Variants in ALDOC observed in about 807,000 individuals in gnomAD.
ALDOC encodes fructose-bisphosphate aldolase C.
A neutral mutation model predicts 39.5 loss-of-function variants in ALDOC; 23 were observed. That is an observed-to-expected ratio of 0.58 (90% CI 0.42 to 0.82). The LOEUF (loss-of-function observed/expected upper bound fraction) is 0.82, where lower values mean the gene tolerates loss of function less well. Ranked by LOEUF, ALDOC falls within the 40% of genes least tolerant of loss-of-function variation. The probability of loss-of-function intolerance (pLI) is 0.00; values close to 1 mark genes in which losing one functional copy is unlikely to be tolerated. For synonymous variants in ALDOC, 160 were observed against 182.6 expected (o/e 0.88, Z 1.00); for missense variants, 356 against 479.1 (o/e 0.74, Z 2.40).
chr17:28,574,173 G>C lies in ALDOC; in HGVS notation c.693C>G (p.Pro231=). 3 of 1,611,778 alleles carry C rather than the reference G, an allele frequency of 1.9e-6. No individual in the cohort carries two copies. The highest frequency in any genetic ancestry group is 2.5e-6 in the Non-Finnish European group (3 of 1,178,838). ...AGGCATGGCCCGGGGTCACCATGTT[G>C]GGCTTGAGCAGGGTCCCCTCCAGGT... The part of the protein sequence containing the change: ...HVYLEGTLLK[P]NMVTPGHACP... The change falls in exon 7 of 9, where the codon CCC becomes CCG. Residue 231 remains proline (P), a synonymous_variant. Coordinates refer to ENST00000226253, the MANE Select transcript of ALDOC (RefSeq NM_005165.3).
chr17:28,574,044 C>T (rs765425713), intron 7 of ALDOC, 23 bp downstream of exon 7: 1 of 1,595,634 alleles, frequency 6.3e-7, no homozygotes, highest in Non-Finnish European at 8.5e-7. Flanking sequence ...GGGATAGGAG[C>T]AGGTTAGGGA....
Position 28,575,487 on chromosome 17 carries a change from ACTC to A in ALDOC, c.43_45del (p.Glu15del), listed in dbSNP as rs2070477768. 6.2e-7 allele frequency: 1 copy of A among 1,614,142 alleles called. No homozygotes were observed. The highest frequency in any genetic ancestry group is 8.5e-7 in the Non-Finnish European group (1 of 1,180,014). Reference sequence around the variant, plus strand: ...ACAATCCGCAGGGCAATGTCAGACAACTCCTTCTTCTGCTCAGCAGAAAGGGCT... The same window carrying A: ...ACAATCCGCAGGGCAATGTCAGACAACTTCTTCTGCTCAGCAGAAAGGGCT... On this transcript the variant is annotated inframe_deletion, in exon 2 of 9. Transcript: ENST00000226253. The surrounding 1 kb of genome is among the most constrained non-coding windows in gnomAD (Gnocchi z 4.3).
At position 28,573,271 on chromosome 17, in the gene ALDOC, A is replaced by T; in HGVS notation, c.*255T>A. 1.8e-6 allele frequency: 1 copy of T among 553,584 alleles called. No individual in the cohort carries two copies. Among genetic ancestry groups the T allele is most frequent in the South Asian group, 2.1e-5 (1 of 47,874 alleles). 34.3% of individuals were successfully genotyped at this position (553,584 alleles called of 1,614,324 possible). On this transcript the variant is annotated 3_prime_UTR_variant, in exon 9 of 9. Transcript: ENST00000226253. The surrounding 1 kb of genome is among the most constrained non-coding windows in gnomAD (Gnocchi z 4.3). ...ATGGGAAAATTGTGGGAGCTGGAAGAGGTAGGGGGAGACCCAGCCATCCTG... is the reference window on the plus strand; with the variant it reads ...ATGGGAAAATTGTGGGAGCTGGAAGTGGTAGGGGGAGACCCAGCCATCCTG...
At position 28,573,900 on chromosome 17, in the gene ALDOC, T is replaced by G. The variant is rs1437476578; in HGVS notation, c.834A>C (p.Glu278Asp). 1 of 1,614,212 alleles carries G rather than the reference T, an allele frequency of 6.2e-7. No individual in the cohort carries two copies. Residue 278 changes from glutamate to aspartate, a missense_variant, in exon 8 of 9, where the codon GAA becomes GAC. Glu to Asp is a conservative substitution (Grantham distance 45). Transcript: ENST00000226253. The surrounding 1 kb of genome is among the most constrained non-coding windows in gnomAD (Gnocchi z 4.3). ...TGGCATTGAGGTTGAATGATGCCTC[T>G]TCTTCGCTCTGACCCCCAGACAGGA... The part of the protein sequence containing the change: ...VTFLSGGQSE[E>D]EASFNLNAIN...
In ALDOC at chr17:28,573,264, C is replaced by G. The variant is rs1039511474; in HGVS notation, c.*262G>C. The G allele has an allele frequency of 5.5e-6, 3 of 547,848 alleles. No homozygotes were observed. In the African/African-American group the frequency reaches 5.7e-5, roughly 10 times the overall value. 33.9% of individuals were successfully genotyped at this position (547,848 alleles called of 1,614,324 possible). On this transcript the variant is annotated 3_prime_UTR_variant, in exon 9 of 9. Coordinates refer to ENST00000226253, the MANE Select transcript of ALDOC (RefSeq NM_005165.3). The surrounding 1 kb of genome is among the most constrained non-coding windows in gnomAD (Gnocchi z 4.3). ...CCTCATCATGGGAAAATTGTGGGAG[C>G]TGGAAGAGGTAGGGGGAGACCCAGC...
At chr17:28,576,427 C>A in intron 1 of ALDOC, 1 of 153,148 alleles carries the variant, frequency 6.5e-6, no homozygotes, top group Non-Finnish European at 1.5e-5. Flanking sequence ...TGCAGGCTAA[C>A]CAGTCAGCGG....
At position 28,575,485 on chromosome 17, in the gene ALDOC, C is replaced by T. The variant is rs1323540806; in HGVS notation, c.48G>A (p.Leu16=). The stretch of plus-strand genomic sequence containing the variant: ...CTACAATCCGCAGGGCAATGTCAGA[C>T]AACTCCTTCTTCTGCTCAGCAGAAA... ...PALSAEQKKE[L]SDIALRIVAP... The change falls in exon 2 of 9, where the codon TTG becomes TTA. Residue 16 remains leucine, a synonymous_variant. Transcript: ENST00000226253. The surrounding 1 kb of genome is among the most constrained non-coding windows in gnomAD (Gnocchi z 4.3). The T allele has an allele frequency of 6.2e-7, 1 of 1,614,110 alleles. No homozygotes were observed. The highest frequency in any genetic ancestry group is 8.5e-7 in the Non-Finnish European group (1 of 1,180,056).
intron 7 of ALDOC, 33 bp downstream of exon 7, chr17:28,574,034 G>A (rs773023993): frequency 6.3e-7 from 1 of 1,599,134 alleles, no homozygotes; most frequent in East Asian, 2.2e-5. Context: ...ATGGGCCTTA[G>A]GGATAGGAGC....
chr17:28,574,242 C>G lies in ALDOC; in HGVS notation c.625-1G>C. 1 of 1,582,920 alleles carries G rather than the reference C, an allele frequency of 6.3e-7. No homozygotes were observed. The highest frequency in any genetic ancestry group is 8.6e-7 in the Non-Finnish European group (1 of 1,165,610). On this transcript the variant is annotated splice_acceptor_variant, in intron 6 of 8. Coordinates refer to ENST00000226253, the MANE Select transcript of ALDOC (RefSeq NM_005165.3). LOFTEE classifies it high-confidence loss of function. ...GGGCCTTGTACACAGCAGCCAAGAC[C>G]TGGGTGGGGATTAGAGGAGGTTTAC... is the stretch of plus-strand genomic sequence containing the variant.
At position 28,576,887 on chromosome 17, in the gene ALDOC, C is replaced by T; in HGVS notation, c.-99G>A. The T allele has an allele frequency of 2.0e-6, 2 of 985,544 alleles. No homozygotes were observed. The highest frequency in any genetic ancestry group is 2.4e-6 in the Non-Finnish European group (2 of 830,024). 61.0% of individuals were successfully genotyped at this position (985,544 alleles called of 1,614,324 possible). A position where few individuals can be genotyped will look rare whatever the true frequency, so the allele number is the denominator to read the frequency against. The stretch of plus-strand genomic sequence containing the variant: ...GATGAGGCTGCAGCCCTGGCTCCCT[C>T]TGGTAAATGAGGCTGCGGATGTCGC... On this transcript the variant is annotated 5_prime_UTR_variant, in exon 1 of 9. Coordinates refer to ENST00000226253, the MANE Select transcript of ALDOC (RefSeq NM_005165.3).
Position 28,575,732 on chromosome 17 carries a change from T to A in ALDOC, c.-12-188A>T. On this transcript the variant is annotated intron_variant, in intron 1 of 8. Transcript: ENST00000226253. The surrounding 1 kb of genome is among the most constrained non-coding windows in gnomAD (Gnocchi z 4.3). ...CAAGCTTAGGGCTCCAGTTCCCACATCTCCTTTTGTCCCTGGTAGGCATCC... is the reference window on the plus strand; with the variant it reads ...CAAGCTTAGGGCTCCAGTTCCCACAACTCCTTTTGTCCCTGGTAGGCATCC... The A allele has an allele frequency of 1.3e-6, 1 of 758,118 alleles. No homozygotes were observed. Among genetic ancestry groups the A allele is most frequent in the Non-Finnish European group, 2.0e-6 (1 of 490,210 alleles). 47.0% of individuals were successfully genotyped at this position (758,118 alleles called of 1,614,324 possible). A position where few individuals can be genotyped will look rare whatever the true frequency, so the allele number is the denominator to read the frequency against.
intron 4 of ALDOC, 32 bp from the exon 5 acceptor site, chr17:28,574,888 C>A (rs1273365634): frequency 6.2e-7 from 1 of 1,614,180 alleles, no homozygotes. Context: ...CATTACTCTG[C>A]CCCTCTTTTA....
At position 28,575,754 on chromosome 17, in the gene ALDOC, A is replaced by C. The variant is rs1162484917; in HGVS notation, c.-12-210T>G. 4.3e-6 allele frequency: 3 copies of C among 703,878 alleles called. No homozygotes were observed. The highest frequency in any genetic ancestry group is 6.7e-6 in the Non-Finnish European group (3 of 447,364). The allele number at this position is 703,878 out of a possible 1,614,324, so 43.6% of individuals were successfully genotyped here. ...ACATCTCCTTTTGTCCCTGGTAGGC[A>C]TCCTTCCCAGCCCTGGGGAAAGATG... On this transcript the variant is annotated intron_variant, in intron 1 of 8. Coordinates refer to ENST00000226253, the MANE Select transcript of ALDOC (RefSeq NM_005165.3). The surrounding 1 kb of genome is among the most constrained non-coding windows in gnomAD (Gnocchi z 4.3).
Position 28,574,856 on chromosome 17 carries a change from C to T in ALDOC, c.380G>A (p.Gly127Glu). Residue 127 changes from glycine (G) to glutamate (E), a missense_variant and splice_region_variant, in exon 5 of 9, where the codon GGG (glycine) becomes GAG (glutamate). Coordinates refer to ENST00000226253, the MANE Select transcript of ALDOC (RefSeq NM_005165.3). ...ACAGCGTTCTGAGAGCCCATCCAGC[C>T]CTGCAAGCACAGTGCCAACCTCATT... is the stretch of plus-strand genomic sequence containing the variant. Reference protein sequence around the residue: ...AGTDGETTTQGLDGLSERCAQ... With the variant: ...AGTDGETTTQELDGLSERCAQ... The T allele has an allele frequency of 6.2e-7, 1 of 1,614,208 alleles. No homozygotes were observed. The highest frequency in any genetic ancestry group is 1.7e-5 in the Admixed American group (1 of 60,028).
In ALDOC at chr17:28,573,808, G is replaced by A; in HGVS notation, c.926C>T (p.Ser309Phe). ...TFSYGRALQA[S>F]ALNAWRGQRD... ...TTGCCCTCGCCAGGCATTGAGTGCA[G>A]AGGCTTGCAGGGCACGCCCATAGGA... Residue 309 changes from serine to phenylalanine, a missense_variant, in exon 8 of 9, where the codon TCT (serine) becomes TTT (phenylalanine). By Grantham distance (155) the Ser-to-Phe change is radical. Transcript: ENST00000226253. This position sits in a 1 kb window ranked among gnomAD's most constrained non-coding sequence, Gnocchi z 4.3. The A allele has an allele frequency of 6.2e-7, 1 of 1,614,256 alleles. No homozygotes were observed. Among genetic ancestry groups the A allele is most frequent in the Non-Finnish European group, 8.5e-7 (1 of 1,180,040 alleles).
chr17:28,574,585 C>G lies in ALDOC; in HGVS notation c.541-8G>C. On this transcript the variant is annotated splice_region_variant and splice_polypyrimidine_tract_variant and intron_variant, in intron 5 of 8. Transcript: ENST00000226253. ...AATAGGCACAATGCCATTCTGCAGG[C>G]AAGAGCAGAGATGCTTGGGAGGGGC... The G allele has an allele frequency of 1.9e-6, 3 of 1,614,060 alleles. No individual in the cohort carries two copies. Among genetic ancestry groups the G allele is most frequent in the Non-Finnish European group, 2.5e-6 (3 of 1,179,976 alleles).
rs200793690 is a variant in ALDOC at position 28,575,174 on chromosome 17, A to G, written c.273T>C (p.Gly91=). The change falls in exon 3 of 9, where the codon GGT becomes GGC. Residue 91 remains glycine (G), a synonymous_variant. Coordinates refer to ENST00000226253, the MANE Select transcript of ALDOC (RefSeq NM_005165.3). The surrounding 1 kb of genome is among the most constrained non-coding windows in gnomAD (Gnocchi z 4.3). ...CCTGGATGGTTCGGACGAAGGGAAC[A>G]CCATTATCATCTTTCTGGTAGAGGG... ...HETLYQKDDN[G]VPFVRTIQDK... 32 of 1,614,128 alleles carry G rather than the reference A, an allele frequency of 2.0e-5. No individual in the cohort carries two copies. The Middle Eastern group carries it at 6.6e-4, about 33-fold the overall frequency.
chr17:28,574,829 G>T lies in ALDOC; in HGVS notation c.407C>A (p.Ala136Asp), dbSNP rs371220607. Residue 136 changes from alanine (A) to aspartate (D), a missense_variant, in exon 5 of 9, where the codon GCC becomes GAC. Coordinates refer to ENST00000226253, the MANE Select transcript of ALDOC (RefSeq NM_005165.3). ...GTCAGCACCATCCTTCTTGTATTGG[G>T]CACAGCGTTCTGAGAGCCCATCCAG... ...QGLDGLSERC[A>D]QYKKDGADFA... 75 of 1,614,068 alleles carry T rather than the reference G, an allele frequency of 4.6e-5. No homozygotes were observed. Among genetic ancestry groups the T allele is most frequent in the Non-Finnish European group, 6.3e-5 (74 of 1,180,044 alleles).
In ALDOC at chr17:28,574,474, G is replaced by A. The variant is rs1167348447; in HGVS notation, c.624+20C>T. On this transcript the variant is annotated intron_variant, in intron 6 of 8. Transcript: ENST00000226253. ...CGAGCTGTCCCTGCAGTATGTTTGT[G>A]TGCCCAGGTGTGGACTCACCTTCTC... 2.5e-6 allele frequency: 4 copies of A among 1,611,560 alleles called. No homozygotes were observed. The highest frequency in any genetic ancestry group is 3.4e-6 in the Non-Finnish European group (4 of 1,177,790).
Sources: allele counts gnomAD v4.1 joint callset, GRCh38; gene constraint gnomAD v4.1.1; non-coding constraint Gnocchi (gnomAD v3.1); transcripts MANE v1.5; gene names NCBI Gene and HGNC (gene_info 2026-07-23, HGNC 2026-07-21).